SLC39A11: variants seen among roughly 807,000 people sequenced by gnomAD.
SLC39A11 encodes solute carrier family 39 member 11.
SLC39A11 carries 33 observed loss-of-function variants against 36.1 expected under a neutral mutation model. The ratio of observed to expected loss-of-function variants is 0.91; its 90% confidence interval spans 0.69 to 1.22. The LOEUF is 1.22. Among genes scored for constraint, SLC39A11 ranks in the 50% most tolerant of loss-of-function variants. The pLI, the probability that SLC39A11 is intolerant of heterozygous loss-of-function variation, is 0.00. For missense variants in SLC39A11, 432 were observed against 430.3 expected (o/e 1.00, Z -0.03); for synonymous variants, 166 against 170.3 (o/e 0.97, Z 0.20).
intron 6 of SLC39A11, among the ~76,000 whole-genome samples, chr17:72,825,359 A>G (rs1445781803): frequency 6.6e-6 from 1 of 152,200 alleles, no homozygotes; most frequent in Non-Finnish European, 1.5e-5. Flanking sequence ...GAAGCTTGGG[A>G]GCCTCAACCT....
intron 5 of SLC39A11, among the ~76,000 whole-genome samples, chr17:72,907,357 G>A (rs559510558): frequency 4.6e-5 from 7 of 152,276 alleles, no homozygotes; most frequent in Admixed American, 1.3e-4. Flanking sequence ...AGGCACAGTG[G>A]CACGTGCCTA....
At chr17:72,684,012 A>G (rs1278424465) in intron 7 of SLC39A11, among the ~76,000 whole-genome samples, 3 of 152,168 alleles carry the variant, frequency 2.0e-5, no homozygotes, top group Admixed American at 2.0e-4. Flanking sequence ...GGGCTATTCA[A>G]GTGCTTAGAA....
At chr17:72,688,986 T>G (rs1275251734) in intron 7 of SLC39A11, among the ~76,000 whole-genome samples, 1 of 152,062 alleles carries the variant, frequency 6.6e-6, no homozygotes, top group Non-Finnish European at 1.5e-5. Flanking sequence ...AGACAACTGG[T>G]GTTCTGTTTC....
chr17:72,901,953 T>G (rs2082410380), intron 5 of SLC39A11, among the ~76,000 whole-genome samples: 1 of 152,158 alleles, frequency 6.6e-6, no homozygotes, highest in African/African-American at 2.4e-5. Flanking sequence ...GGGGTGGGCC[T>G]CAAAGCCAGT....
intron 7 of SLC39A11, among the ~76,000 whole-genome samples, chr17:72,679,040 A>C (rs1337486946): frequency 1.3e-5 from 2 of 152,220 alleles, no homozygotes; most frequent in African/African-American, 4.8e-5. Flanking sequence ...ATGGTTGCAC[A>C]TTCTCACTCA....
chr17:72,956,144 C>G (rs150569822), intron 4 of SLC39A11, among the ~76,000 whole-genome samples: 169 of 152,260 alleles, frequency 1.1e-3, no homozygotes, highest in African/African-American at 3.9e-3. Context: ...CCAGCTTCGT[C>G]CCCATCACCT....
At chr17:72,731,536 G>A (rs1433226362) in intron 7 of SLC39A11, among the ~76,000 whole-genome samples, 1 of 35,232 alleles carries the variant, frequency 2.8e-5, no homozygotes, top group Admixed American at 3.8e-4. Flanking sequence ...GCAACCTTAT[G>A]CAGTTTTTTT....
At chr17:72,911,845 T>C (rs930838224) in intron 5 of SLC39A11, among the ~76,000 whole-genome samples, 1 of 152,198 alleles carries the variant, frequency 6.6e-6, no homozygotes, top group African/African-American at 2.4e-5. Flanking sequence ...GGTTTCACCA[T>C]GTTGGCCAGG....
chr17:72,795,211 C>T (rs76156475), intron 6 of SLC39A11, among the ~76,000 whole-genome samples: 4,849 of 152,114 alleles, frequency 0.032, 281 homozygotes, highest in African/African-American at 0.11. Flanking sequence ...AGCTGGATGG[C>T]CCTGGCTCGG....
intron 6 of SLC39A11, among the ~76,000 whole-genome samples, chr17:72,754,043 TATACACATACAC>T (rs1183602571): frequency 0.018 from 862 of 47,722 alleles, 18 homozygotes; most frequent in African/African-American, 0.052. Context: ...TATATATATA[TATACACATACAC>T]ACACACACAC....
At chr17:72,676,985 T>C (rs1454755719) in intron 7 of SLC39A11, among the ~76,000 whole-genome samples, 1 of 152,214 alleles carries the variant, frequency 6.6e-6, no homozygotes, top group Non-Finnish European at 1.5e-5. Context: ...GTACCTTTTT[T>C]CTTTGCTGCT....
intron 4 of SLC39A11, among the ~76,000 whole-genome samples, chr17:72,964,309 A>C (rs1055022107): frequency 6.6e-6 from 1 of 152,244 alleles, no homozygotes; most frequent in African/African-American, 2.4e-5. Flanking sequence ...ATGAAGCCAC[A>C]TGTGGTCCCT....
chr17:73,019,385 T>C (rs985040847), intron 4 of SLC39A11, among the ~76,000 whole-genome samples: 1 of 152,136 alleles, frequency 6.6e-6, no homozygotes, highest in East Asian at 1.9e-4. Flanking sequence ...ATTTATGACA[T>C]GTGAAGAAAT....
chr17:73,085,517 A>C (rs1419854257), intron 2 of SLC39A11, among the ~76,000 whole-genome samples: 2 of 151,878 alleles, frequency 1.3e-5, no homozygotes, highest in Non-Finnish European at 2.9e-5. Flanking sequence ...ACGGTAATGC[A>C]TGCCTGTAAT....
intron 4 of SLC39A11, among the ~76,000 whole-genome samples, chr17:73,021,810 G>A (rs546647238): frequency 3.3e-5 from 5 of 152,302 alleles, no homozygotes; most frequent in East Asian, 3.9e-4. Context: ...TTCTACCCAC[G>A]GAGAAGGAAA....
intron 5 of SLC39A11, among the ~76,000 whole-genome samples, chr17:72,921,312 G>T (rs192122866): frequency 6.6e-5 from 10 of 152,138 alleles, no homozygotes; most frequent in Non-Finnish European, 1.3e-4. Flanking sequence ...TCCACGGGGG[G>T]ATCAACTGGT....
At chr17:72,749,733 A>G (rs2075078138) in intron 6 of SLC39A11, among the ~76,000 whole-genome samples, 1 of 152,058 alleles carries the variant, frequency 6.6e-6, no homozygotes, top group South Asian at 2.1e-4. Context: ...CACACTGCAC[A>G]CCGAAGGCAG....
intron 7 of SLC39A11, among the ~76,000 whole-genome samples, chr17:72,697,076 A>G (rs1275459398): frequency 1.3e-5 from 2 of 152,102 alleles, no homozygotes; most frequent in East Asian, 1.9e-4. Context: ...ATACTTTTAC[A>G]TATTTCTTAT....
At chr17:72,893,744 A>G (rs2081883022) in intron 5 of SLC39A11, among the ~76,000 whole-genome samples, 1 of 152,206 alleles carries the variant, frequency 6.6e-6, no homozygotes, top group African/African-American at 2.4e-5. Flanking sequence ...GTTCTTGACC[A>G]TGATAATGTC....
Sources: allele counts gnomAD v4.1 joint callset (sites outside exome capture counted in the v4.1 genomes callset), GRCh38; gene constraint gnomAD v4.1.1; transcripts MANE v1.5; gene names NCBI Gene and HGNC (gene_info 2026-07-23, HGNC 2026-07-21).